Variants in RALGAPA2 observed in about 807,000 individuals in gnomAD.
The protein encoded by RALGAPA2 is Ral GTPase activating protein catalytic subunit alpha 2, also known as ral GTPase-activating protein subunit alpha-2.
In RALGAPA2, 139 loss-of-function variants were observed where a neutral mutation model predicts 230.4. The ratio of observed to expected loss-of-function variants is 0.60; its 90% confidence interval spans 0.53 to 0.69. The LOEUF (loss-of-function observed/expected upper bound fraction) is 0.69. Among genes scored for constraint, RALGAPA2 ranks in the 30% least tolerant of loss-of-function variants. The pLI, the probability that RALGAPA2 is intolerant of heterozygous loss-of-function variation, is 0.00. For missense variants in RALGAPA2, 2,163 were observed against 2,276.0 expected (o/e 0.95, Z 1.01); for synonymous variants, 847 against 837.8 (o/e 1.01, Z -0.19).
At chr20:20,414,555 G>C (rs1192362668) in intron 37 of RALGAPA2, among the ~76,000 whole-genome samples, 1 of 152,134 alleles carries the variant, frequency 6.6e-6, no homozygotes, top group African/African-American at 2.4e-5. Context: ...AATCCTGGAT[G>C]GCACTATCAT....
At chr20:20,469,219 T>C (rs2061488335) in intron 37 of RALGAPA2, among the ~76,000 whole-genome samples, 1 of 152,210 alleles carries the variant, frequency 6.6e-6, no homozygotes, top group South Asian at 2.1e-4. Context: ...ACCATTTGAC[T>C]TATTTTCTGA....
At position 20,640,789 on chromosome 20, in the gene RALGAPA2, G is replaced by C; in HGVS notation, c.462C>G (p.Cys154Trp). The change falls in exon 6 of 40, where the codon TGC becomes TGG. Residue 154 changes from cysteine (C) to tryptophan (W), a missense_variant. By Grantham distance (215) the Cys-to-Trp change is radical (BLOSUM62 -2). Coordinates refer to ENST00000202677, the MANE Select transcript of RALGAPA2 (RefSeq NM_020343.4). ...TGACTGCTGGGAAACCAGGCACCAG[G>C]CAAGCAAAAATCAGAACCTGCTCTT... ...CAEEQVLIFA[C>W]LVPGFPAVMS... 6.2e-7 allele frequency: 1 copy of C among 1,613,900 alleles called. No homozygotes were observed. Among genetic ancestry groups the C allele is most frequent in the East Asian group, 2.2e-5 (1 of 44,868 alleles).
rs2063505278 is a variant in RALGAPA2, at chr20:20,536,647, G to A, written c.3414+9C>T. 21 of 1,610,348 alleles carry A rather than the reference G, an allele frequency of 1.3e-5. No individual in the cohort carries two copies. The highest frequency in any genetic ancestry group is 2.2e-5 in the South Asian group (2 of 90,904). Reference sequence around the variant, plus strand: ...CTAAACTTGAGATACAGTCAAATGCGTTATGTACCTTGACATCTTCAGTTC... The same window carrying A: ...CTAAACTTGAGATACAGTCAAATGCATTATGTACCTTGACATCTTCAGTTC... On this transcript the variant is annotated intron_variant, in intron 25 of 39. Transcript: ENST00000202677.
chr20:20,638,084 G>C (rs1219043776), intron 7 of RALGAPA2, among the ~76,000 whole-genome samples: 2 of 152,182 alleles, frequency 1.3e-5, no homozygotes, highest in Non-Finnish European at 2.9e-5. Context: ...TCATTGTGTT[G>C]AGATAATATC....
chr20:20,434,907 G>C (rs942624253), intron 37 of RALGAPA2, among the ~76,000 whole-genome samples: 1 of 152,218 alleles, frequency 6.6e-6, no homozygotes, highest in Non-Finnish European at 1.5e-5. Context: ...CTGCACTCTA[G>C]CGTGGGCAAC....
At chr20:20,400,998 G>A (rs1327226996) in intron 38 of RALGAPA2, among the ~76,000 whole-genome samples, 1 of 152,200 alleles carries the variant, frequency 6.6e-6, no homozygotes, top group Non-Finnish European at 1.5e-5. Context: ...CACAAAAAGT[G>A]GATTTGTGGT....
At chr20:20,632,094 C>T (rs914466751) in intron 9 of RALGAPA2, among the ~76,000 whole-genome samples, 7 of 151,682 alleles carry the variant, frequency 4.6e-5, no homozygotes, top group Non-Finnish European at 7.4e-5. Flanking sequence ...GCTCGATCTC[C>T]GCTCACTGCA....
Position 20,465,197 on chromosome 20 carries a change from A to ACACACTCTCT in RALGAPA2, c.5495+7631_5495+7632insAGAGAGTGTG, listed in dbSNP as rs772089136. On this transcript the variant is annotated intron_variant, in intron 37 of 39. Transcript: ENST00000202677. ...CACACACACACACACACACACACAC[A>ACACACTCTCT]CTCTCTCATACTAGGGGACAGCAGC... is the stretch of plus-strand genomic sequence containing the variant. Among the ~76,000 whole-genome samples the ACACACTCTCT allele has an allele frequency of 1.3e-4, 19 of 147,444 alleles. No homozygotes were observed. The East Asian group carries it at 1.7e-3, about 13-fold the overall frequency.
chr20:20,667,783 T>C (rs1057183154), intron 3 of RALGAPA2, among the ~76,000 whole-genome samples: 2 of 152,164 alleles, frequency 1.3e-5, no homozygotes, highest in Non-Finnish European at 2.9e-5. Flanking sequence ...GAAGGTGTGG[T>C]GGGGAGATGA....
intron 23 of RALGAPA2, among the ~76,000 whole-genome samples, chr20:20,568,860 T>C (rs2064534306): frequency 6.6e-6 from 1 of 152,206 alleles, no homozygotes; most frequent in African/African-American, 2.4e-5. Context: ...ATGTTCAATT[T>C]TAAACAATTA....
chr20:20,711,121 GTAA>G (rs1195703923), intron 1 of RALGAPA2, among the ~76,000 whole-genome samples: 2 of 152,238 alleles, frequency 1.3e-5, no homozygotes, highest in African/African-American at 4.8e-5. Flanking sequence ...ACAAGTCAGT[GTAA>G]CCTCAAGGTA....
intron 37 of RALGAPA2, among the ~76,000 whole-genome samples, chr20:20,435,265 C>T (rs1396896980): frequency 1.3e-5 from 2 of 152,304 alleles, no homozygotes; most frequent in East Asian, 1.9e-4. Flanking sequence ...GAGGGACAGG[C>T]GAATGCTGCA....
intron 1 of RALGAPA2, among the ~76,000 whole-genome samples, chr20:20,711,794 T>C (rs1196995375): frequency 6.6e-6 from 1 of 151,794 alleles, no homozygotes; most frequent in Non-Finnish European, 1.5e-5. Flanking sequence ...AGACCCAAAA[T>C]AAAAATTAAA....
chr20:20,689,091 G>A (rs2068805975), intron 1 of RALGAPA2, among the ~76,000 whole-genome samples: 1 of 152,120 alleles, frequency 6.6e-6, no homozygotes, highest in South Asian at 2.1e-4. Flanking sequence ...TTATATAAAA[G>A]TCTCTATGTT....
chr20:20,492,836 T>C lies in RALGAPA2; in HGVS notation c.5367+2281A>G, dbSNP rs1279447075. 5.9e-5 allele frequency among the ~76,000 whole-genome samples: 9 copies of C among 152,316 alleles called. No homozygotes were observed. The East Asian group carries it at 1.7e-3, about 29-fold the overall frequency. On this transcript the variant is annotated intron_variant, in intron 36 of 39. Coordinates refer to ENST00000202677, the MANE Select transcript of RALGAPA2 (RefSeq NM_020343.4). ...AAGACTGCATCACGGTTACTGATAATTATATTGCTTAATTAATCAAGACAA... is the reference window on the plus strand; with the variant it reads ...AAGACTGCATCACGGTTACTGATAACTATATTGCTTAATTAATCAAGACAA...
At chr20:20,518,123 G>A (rs141673687) in intron 31 of RALGAPA2, among the ~76,000 whole-genome samples, 1 of 151,758 alleles carries the variant, frequency 6.6e-6, no homozygotes, top group Non-Finnish European at 1.5e-5. Context: ...TGGTGCGATC[G>A]TGGCTCATTG....
intron 33 of RALGAPA2, among the ~76,000 whole-genome samples, 190 bp downstream of exon 33, chr20:20,511,064 C>T (rs779732284): frequency 6.6e-6 from 1 of 152,122 alleles, no homozygotes; most frequent in Non-Finnish European, 1.5e-5. Flanking sequence ...TTTAGTGTAT[C>T]AAACATGAAA....
intron 4 of RALGAPA2, among the ~76,000 whole-genome samples, chr20:20,645,439 G>C (rs1056691061): frequency 6.6e-6 from 1 of 151,824 alleles, no homozygotes; most frequent in African/African-American, 2.4e-5. Context: ...TAAGTATTTG[G>C]ACTACCTATA....
rs1338421335 is a variant in RALGAPA2 at position 20,525,001 on chromosome 20, T to C, written c.3694-103A>G. 3 of 987,844 alleles carry C rather than the reference T, an allele frequency of 3.0e-6. No homozygotes were observed. The African/African-American group carries it at 5.0e-5, about 16-fold the overall frequency. 61.2% of individuals were successfully genotyped at this position (987,844 alleles called of 1,614,324 possible). A position where few individuals can be genotyped will look rare whatever the true frequency, so the allele number is the denominator to read the frequency against. On this transcript the variant is annotated intron_variant, in intron 28 of 39. Coordinates refer to ENST00000202677, the MANE Select transcript of RALGAPA2 (RefSeq NM_020343.4). ...GGCCTTGCAACTAAACCCAGCTTGG[T>C]GCCAACTCACCACAGAAAGGTGATA...
Sources: gnomAD v4.1 joint callset for allele counts (sites outside exome capture counted in the v4.1 genomes callset) on GRCh38, gnomAD v4.1.1 for gene constraint, MANE v1.5 for transcripts, NCBI Gene and HGNC (gene_info 2026-07-23, HGNC 2026-07-21) for gene names.